SGCZ: variants seen among roughly 807,000 people sequenced by gnomAD.
The protein encoded by SGCZ is sarcoglycan zeta.
Under a neutral mutation model 41.3 loss-of-function variants are expected in SGCZ, and 40 were observed. The ratio of observed to expected loss-of-function variants is 0.97; its 90% confidence interval spans 0.75 to 1.26. SGCZ has a LOEUF of 1.26. SGCZ is among the 50% of genes most tolerant of loss of function. The pLI is 0.00. For synonymous variants in SGCZ, 206 were observed against 137.5 expected (o/e 1.50, Z -3.49); for missense variants, 552 against 369.8 (o/e 1.49, Z -4.04).
At position 15,131,992 on chromosome 8, in the gene SGCZ, T is replaced by A. The variant is rs1807924001; in HGVS notation, c.39+105593A>T. On this transcript the variant is annotated intron_variant, in intron 1 of 7. Coordinates refer to ENST00000382080, the MANE Select transcript of SGCZ (RefSeq NM_139167.4). ...CTTATTTGTAACAGAGCTAAGCAAT[T>A]TAACACCTTCCAGCCATTTTCTAGA... Among the ~76,000 whole-genome samples the A allele has an allele frequency of 2.6e-5, 4 of 152,200 alleles. No homozygotes were observed. The South Asian group carries it at 6.2e-4, about 24-fold the overall frequency.
intron 1 of SGCZ, among the ~76,000 whole-genome samples, chr8:14,652,852 C>A (rs896899164): frequency 7.9e-5 from 12 of 152,088 alleles, no homozygotes; most frequent in African/African-American, 2.9e-4. Flanking sequence ...ATTTGGGTGG[C>A]CATTGGGTAT....
intron 1 of SGCZ, among the ~76,000 whole-genome samples, chr8:15,007,281 T>C (rs556916979): frequency 3.9e-5 from 6 of 152,360 alleles, no homozygotes; most frequent in African/African-American, 1.4e-4. Context: ...ATTTTGATAC[T>C]ATGTTACAAA....
At chr8:14,486,698 A>T (rs1362344713) in intron 2 of SGCZ, among the ~76,000 whole-genome samples, 1 of 152,090 alleles carries the variant, frequency 6.6e-6, no homozygotes, top group East Asian at 1.9e-4. Context: ...TCAGCCTTCC[A>T]AGTAGCTGAG....
At chr8:14,624,617 C>A (rs1806394199) in intron 1 of SGCZ, among the ~76,000 whole-genome samples, 1 of 127,128 alleles carries the variant, frequency 7.9e-6, no homozygotes, top group Non-Finnish European at 1.6e-5. Flanking sequence ...GTCGCCCAGG[C>A]TGGAGTGCAG....
chr8:14,366,429 G>A (rs772723092), intron 2 of SGCZ, among the ~76,000 whole-genome samples: 13 of 152,010 alleles, frequency 8.6e-5, no homozygotes, highest in Non-Finnish European at 1.8e-4. Flanking sequence ...GAAACCACCT[G>A]GATTATCCAA....
At chr8:14,975,556 A>T (rs1267119025) in intron 1 of SGCZ, among the ~76,000 whole-genome samples, 1 of 152,026 alleles carries the variant, frequency 6.6e-6, no homozygotes, top group African/African-American at 2.4e-5. Context: ...GATTGTTTTC[A>T]CTGGATTGTA....
At chr8:14,361,630 C>G (rs1261047979) in intron 2 of SGCZ, among the ~76,000 whole-genome samples, 2 of 152,152 alleles carry the variant, frequency 1.3e-5, no homozygotes, top group African/African-American at 2.4e-5. Context: ...AGAACATGCT[C>G]CGTTAGCTCA....
intron 1 of SGCZ, among the ~76,000 whole-genome samples, chr8:15,086,432 C>A (rs952742133): frequency 1.1e-4 from 16 of 152,120 alleles, no homozygotes; most frequent in Admixed American, 1.0e-3. Flanking sequence ...CAAGTATTTT[C>A]TTTCCATGCC....
intron 2 of SGCZ, among the ~76,000 whole-genome samples, chr8:14,537,867 A>G (rs1397954306): frequency 6.6e-6 from 1 of 151,898 alleles, no homozygotes; most frequent in Non-Finnish European, 1.5e-5. Context: ...ATCAGGAGGA[A>G]GGTGCATGGA....
intron 1 of SGCZ, among the ~76,000 whole-genome samples, chr8:14,591,236 A>G (rs995638108): frequency 6.6e-6 from 1 of 151,980 alleles, no homozygotes; most frequent in African/African-American, 2.4e-5. Flanking sequence ...TTCTTTTTAA[A>G]GATTTGGATA....
At chr8:14,968,649 G>T (rs959526213) in intron 1 of SGCZ, among the ~76,000 whole-genome samples, 1 of 152,094 alleles carries the variant, frequency 6.6e-6, no homozygotes, top group Admixed American at 6.5e-5. Flanking sequence ...AAAAGTTTAG[G>T]AAAGTGACAT....
intron 1 of SGCZ, among the ~76,000 whole-genome samples, chr8:14,618,595 CA>C (rs1163343735): frequency 6.6e-5 from 10 of 152,204 alleles, no homozygotes; most frequent in Non-Finnish European, 7.4e-5. Flanking sequence ...TGTACTCATT[CA>C]AAAGACTTTA....
At chr8:14,986,178 T>G (rs1459585139) in intron 1 of SGCZ, among the ~76,000 whole-genome samples, 1 of 152,140 alleles carries the variant, frequency 6.6e-6, no homozygotes, top group Non-Finnish European at 1.5e-5. Flanking sequence ...TGGAACATTT[T>G]TAAGTTTCAT....
chr8:14,909,128 T>C (rs1324906803), intron 1 of SGCZ, among the ~76,000 whole-genome samples: 1 of 152,142 alleles, frequency 6.6e-6, no homozygotes, highest in Non-Finnish European at 1.5e-5. Flanking sequence ...TATTAATCCA[T>C]TCAGTTAATC....
intron 2 of SGCZ, among the ~76,000 whole-genome samples, chr8:14,331,745 G>A (rs947652299): frequency 2.0e-5 from 3 of 151,824 alleles, no homozygotes; most frequent in Non-Finnish European, 4.4e-5. Context: ...GGTTATAAAA[G>A]AAAGTTTTTA....
intron 1 of SGCZ, among the ~76,000 whole-genome samples, chr8:14,614,387 TA>T (rs1317868151): frequency 6.6e-6 from 1 of 152,020 alleles, no homozygotes; most frequent in Non-Finnish European, 1.5e-5. Flanking sequence ...CAATACAGAA[TA>T]AAAAAATGTA....
intron 5 of SGCZ, among the ~76,000 whole-genome samples, chr8:14,127,632 T>G (rs528573363): frequency 6.6e-6 from 1 of 151,930 alleles, no homozygotes; most frequent in Non-Finnish European, 1.5e-5. Flanking sequence ...ATTTTTTGTA[T>G]TTTTTAGTAG....
At chr8:14,737,321 T>C (rs1244144234) in intron 1 of SGCZ, among the ~76,000 whole-genome samples, 1 of 152,008 alleles carries the variant, frequency 6.6e-6, no homozygotes, top group East Asian at 1.9e-4. Context: ...GAAGTTCTAA[T>C]GAAGCAAAAA....
chr8:14,321,690 G>A (rs1801923269), intron 3 of SGCZ, among the ~76,000 whole-genome samples: 1 of 151,974 alleles, frequency 6.6e-6, no homozygotes, highest in African/African-American at 2.4e-5. Flanking sequence ...TTTTCTCTCA[G>A]CTTCACTGAA....
Sources: gnomAD v4.1 joint callset for allele counts (sites outside exome capture counted in the v4.1 genomes callset) on GRCh38, gnomAD v4.1.1 for gene constraint, MANE v1.5 for transcripts, NCBI Gene and HGNC (gene_info 2026-07-23, HGNC 2026-07-21) for gene names.